The following YARS1 variants were observed in gnomAD, a reference collection of about 807,000 sequenced individuals.
YARS1 encodes the protein tyrosine--tRNA ligase, cytoplasmic.
In YARS1, 36 loss-of-function variants were observed where a neutral mutation model predicts 62.2. The observed-to-expected ratio is 0.58, with a 90% confidence interval of 0.44 to 0.76. The LOEUF (loss-of-function observed/expected upper bound fraction) is 0.76, where lower values mean the gene tolerates loss of function less well. YARS1 is among the 30% of genes least tolerant of loss of function. The pLI is 0.00. For missense variants in YARS1, 524 were observed against 639.8 expected, an observed-to-expected ratio of 0.82 and a Z score of 1.95; for synonymous variants, 234 against 244.9, an observed-to-expected ratio of 0.96 and a Z score of 0.42.
At chr1:32,804,344 C>T (rs1252988878) in intron 4 of YARS1, among the ~76,000 whole-genome samples, 5 of 150,480 alleles carry the variant, frequency 3.3e-5, no homozygotes, top group Middle Eastern at 3.5e-3. Flanking sequence ...ACCTCCCTCC[C>T]GGACGGGGTG....
intron 1 of YARS1, among the ~76,000 whole-genome samples, chr1:32,814,457 C>A (rs1638654108): frequency 6.6e-6 from 1 of 152,146 alleles, no homozygotes; most frequent in Non-Finnish European, 1.5e-5. Flanking sequence ...GTGATGCAAT[C>A]CTGAGTCACT....
intron 4 of YARS1, among the ~76,000 whole-genome samples, chr1:32,800,316 G>A (rs1638246457): frequency 6.6e-6 from 1 of 152,012 alleles, no homozygotes; most frequent in Non-Finnish European, 1.5e-5. Context: ...TCTTTGAGGT[G>A]ACAAGGGAAA....
At chr1:32,815,864 C>G (rs1287634837) in intron 1 of YARS1, among the ~76,000 whole-genome samples, 12 of 152,106 alleles carry the variant, frequency 7.9e-5, no homozygotes, top group African/African-American at 1.4e-4. Context: ...AATCCCAGCA[C>G]TCTGGGAGGC....
At chr1:32,816,373 T>C (rs1188005859) in intron 1 of YARS1, among the ~76,000 whole-genome samples, 1 of 152,004 alleles carries the variant, frequency 6.6e-6, no homozygotes, top group Non-Finnish European at 1.5e-5. Flanking sequence ...ATAAATAAAA[T>C]GTATACTATG....
intron 4 of YARS1, among the ~76,000 whole-genome samples, chr1:32,801,747 T>C (rs756836599): frequency 6.6e-6 from 1 of 152,216 alleles, no homozygotes; most frequent in Non-Finnish European, 1.5e-5. Context: ...ACGAAGTTTA[T>C]GTAATATTCA....
At chr1:32,786,764 T>C in intron 7 of YARS1, 176 bp downstream of exon 7, 1 of 949,262 alleles carries the variant, frequency 1.1e-6, no homozygotes, top group Non-Finnish European at 1.5e-6. Flanking sequence ...GTAACGAATA[T>C]ATGGACAATT....
intron 4 of YARS1, 52 bp downstream of exon 4, chr1:32,806,430 C>T: frequency 6.2e-7 from 1 of 1,612,682 alleles, no homozygotes; most frequent in South Asian, 1.1e-5. Context: ...ATATGCCTGT[C>T]ATCAAACCAG....
At position 32,776,147 on chromosome 1, in the gene YARS1, C is replaced by T. The variant is rs1286316434; in HGVS notation, c.1477-56G>A. On this transcript the variant is annotated intron_variant, in intron 12 of 12. Transcript: ENST00000373477. This position sits in a 1 kb window ranked among gnomAD's most constrained non-coding sequence, Gnocchi z 4.0. Reference sequence around the variant, plus strand: ...GATGGTGGTGGGACTGCAAGAAAACCCCCCCTTTTTTGGAGGGGGGGCAGA... The same window carrying T: ...GATGGTGGTGGGACTGCAAGAAAACTCCCCCTTTTTTGGAGGGGGGGCAGA... The T allele has an allele frequency of 3.4e-6, 5 of 1,468,782 alleles. No homozygotes were observed. The highest frequency in any genetic ancestry group is 2.4e-5 in the South Asian group (2 of 84,810). 91.0% of individuals were successfully genotyped at this position (1,468,782 alleles called of 1,614,324 possible). A position where few individuals can be genotyped will look rare whatever the true frequency, so the allele number is the denominator to read the frequency against.
At chr1:32,779,088 G>A (rs996211456) in intron 12 of YARS1, among the ~76,000 whole-genome samples, 3 of 152,102 alleles carry the variant, frequency 2.0e-5, no homozygotes, top group African/African-American at 7.2e-5. Flanking sequence ...CAGGTATCCT[G>A]CCAGGTAAAA....
intron 4 of YARS1, among the ~76,000 whole-genome samples, chr1:32,804,477 G>A (rs891573303): frequency 6.6e-6 from 1 of 151,948 alleles, no homozygotes; most frequent in Non-Finnish European, 1.5e-5. Context: ...CTTCCCAGAC[G>A]GGGCGGCTGC....
At chr1:32,780,704 T>C (rs1236050837) in intron 10 of YARS1, 2 of 424,102 alleles carry the variant, frequency 4.7e-6, no homozygotes, top group African/African-American at 4.0e-5. Flanking sequence ...CCTCCACCAC[T>C]TTCTGAAGGG....
At chr1:32,794,033 G>A (rs954008268) in intron 5 of YARS1, among the ~76,000 whole-genome samples, 6 of 152,186 alleles carry the variant, frequency 3.9e-5, no homozygotes, top group African/African-American at 9.6e-5. Flanking sequence ...AGTAGGGGTA[G>A]ATATAGATGA....
At chr1:32,782,243 A>C in intron 9 of YARS1, 161 bp downstream of exon 9, 1 of 1,230,086 alleles carries the variant, frequency 8.1e-7, no homozygotes, top group Non-Finnish European at 1.2e-6. Flanking sequence ...AACCCAAATC[A>C]AAATGACTCA....
chr1:32,788,516 C>A (rs555791702), intron 6 of YARS1, among the ~76,000 whole-genome samples: 1 of 152,092 alleles, frequency 6.6e-6, no homozygotes, highest in Non-Finnish European at 1.5e-5. Context: ...CCTCAACCTC[C>A]GCCTCCTGGG....
chr1:32,784,036 C>T lies in YARS1; in HGVS notation c.907-1497G>A, dbSNP rs191320347. On this transcript the variant is annotated intron_variant, in intron 8 of 12. Coordinates refer to ENST00000373477, the MANE Select transcript of YARS1 (RefSeq NM_003680.4). ...TTTTTTTTTTTTTGAGACATGGTCT[C>T]GCTCTGTTACCCAGCTGGAGTACAG... Among the ~76,000 whole-genome samples, 11 of 149,824 alleles carry T rather than the reference C, an allele frequency of 7.3e-5. No homozygotes were observed. The East Asian group carries it at 1.2e-3, about 16-fold the overall frequency.
intron 5 of YARS1, among the ~76,000 whole-genome samples, chr1:32,796,233 T>C (rs1363656295): frequency 1.3e-5 from 2 of 152,058 alleles, no homozygotes; most frequent in African/African-American, 4.8e-5. Flanking sequence ...GAAACAGAGG[T>C]TGCAGTGAGC....
At chr1:32,804,342 C>A (rs954036695) in intron 4 of YARS1, among the ~76,000 whole-genome samples, 1 of 149,966 alleles carries the variant, frequency 6.7e-6, no homozygotes, top group African/African-American at 2.5e-5. Context: ...CAACCTCCCT[C>A]CCGGACGGGG....
rs957011592 is a variant in YARS1, at chr1:32,778,929, A to G, written c.1476+453T>C. Among the ~76,000 whole-genome samples, 4 of 151,438 alleles carry G rather than the reference A, an allele frequency of 2.6e-5. No homozygotes were observed. In the East Asian group the frequency reaches 7.8e-4, roughly 29 times the overall value. ...AATTTTTTGTATTTTTAGTAGAGACAGGGTTTCACCATGTTGGCCAGGCTG... is the reference window on the plus strand; with the variant it reads ...AATTTTTTGTATTTTTAGTAGAGACGGGGTTTCACCATGTTGGCCAGGCTG... On this transcript the variant is annotated intron_variant, in intron 12 of 12. Transcript: ENST00000373477.
chr1:32,810,063 G>A (rs1190809914), intron 3 of YARS1, among the ~76,000 whole-genome samples: 6 of 147,016 alleles, frequency 4.1e-5, no homozygotes, highest in Admixed American at 7.0e-5. Context: ...TCAAGATCGC[G>A]CCATTGCACT....
Sources: allele counts gnomAD v4.1 joint callset (sites outside exome capture counted in the v4.1 genomes callset), GRCh38; gene constraint gnomAD v4.1.1; non-coding constraint Gnocchi (gnomAD v3.1); transcripts MANE v1.5; gene names NCBI Gene and HGNC (gene_info 2026-07-23, HGNC 2026-07-21).